The following LYST variants were observed in gnomAD, a reference collection of about 807,000 sequenced individuals.
LYST encodes the protein lysosomal trafficking regulator.
Under a neutral mutation model 413.6 loss-of-function variants are expected in LYST, and 192 were observed. The ratio of observed to expected loss-of-function variants is 0.46; its 90% CI spans 0.41 to 0.52. LYST has a LOEUF of 0.52. Among genes scored for constraint, LYST ranks in the 20% least tolerant of loss-of-function variants. The pLI is 0.00. For missense variants in LYST, 3,815 were observed against 4,499.9 expected (o/e 0.85, Z 4.35); for synonymous variants, 1,525 against 1,567.3 (o/e 0.97, Z 0.64).
intron 21 of LYST, among the ~76,000 whole-genome samples, chr1:235,763,975 C>T (rs1051758357): frequency 6.6e-6 from 1 of 152,128 alleles, no homozygotes; most frequent in Non-Finnish European, 1.5e-5. Context: ...GCCTCCTTAC[C>T]ACCTTGGATA....
At chr1:235,822,012 C>T (rs953848738) in intron 3 of LYST, among the ~76,000 whole-genome samples, 9 of 152,170 alleles carry the variant, frequency 5.9e-5, no homozygotes, top group Non-Finnish European at 1.2e-4. Context: ...ATAGATGTGG[C>T]TTTTGAGGCA....
chr1:235,822,023 T>C (rs1434918371), intron 3 of LYST, among the ~76,000 whole-genome samples: 1 of 152,318 alleles, frequency 6.6e-6, no homozygotes, highest in Non-Finnish European at 1.5e-5. Flanking sequence ...TTTTGAGGCA[T>C]AGAGTGAACC....
Position 235,717,657 on chromosome 1 carries a change from C to T in LYST, c.9561-879G>A, listed in dbSNP as rs148409007. Among the ~76,000 whole-genome samples the T allele has an allele frequency of 5.5e-3, 841 of 152,194 alleles. 3 individuals carry two copies. Among genetic ancestry groups the T allele is most frequent in the Middle Eastern group, 0.02 (6 of 294 alleles). On this transcript the variant is annotated intron_variant, in intron 40 of 52. Coordinates refer to ENST00000389793, the MANE Select transcript of LYST (RefSeq NM_000081.4). ...TAACTAGACCAACAGCAAGATTTGC[C>T]TACATTTCAGTGAGTCAAACCAGGT...
chr1:235,689,007 A>ATAC (rs1296792117), intron 47 of LYST, among the ~76,000 whole-genome samples: 1 of 132,668 alleles, frequency 7.5e-6, no homozygotes, highest in Non-Finnish European at 1.6e-5. Flanking sequence ...AATAATAATA[A>ATAC]TAATAATAAT....
intron 30 of LYST, among the ~76,000 whole-genome samples, chr1:235,743,274 T>C (rs577244425): frequency 6.6e-6 from 1 of 152,314 alleles, no homozygotes; most frequent in Non-Finnish European, 1.5e-5. Flanking sequence ...TTCTGAGTTT[T>C]AAAAACAGCT....
At position 235,664,846 on chromosome 1, in the gene LYST, G is replaced by T. The variant is rs974283218; in HGVS notation, c.11039-225C>A. ...GAGTCTAACTCTGTCGCCCAGGCTG[G>T]AGTGCAGTGGTGTGATCTTGGCTCA... On this transcript the variant is annotated intron_variant, in intron 50 of 52. Coordinates refer to ENST00000389793, the MANE Select transcript of LYST (RefSeq NM_000081.4). The surrounding 1 kb of genome is among the most constrained non-coding windows in gnomAD (Gnocchi z 4.5). 6.6e-6 allele frequency among the ~76,000 whole-genome samples: 1 copy of T among 152,202 alleles called. No individual in the cohort carries two copies. The highest frequency in any genetic ancestry group is 1.5e-5 in the Non-Finnish European group (1 of 68,042).
At position 235,661,713 on chromosome 1, in the gene LYST, G is replaced by C. The variant is rs1174419950; in HGVS notation, c.*1227C>G. ...AATGCACAAGTTATTCTTAGGCAGG[G>C]ATACATATTTTTATCCCATGGTAAC... is the stretch of plus-strand genomic sequence containing the variant. On this transcript the variant is annotated 3_prime_UTR_variant, in exon 53 of 53. Coordinates refer to ENST00000389793, the MANE Select transcript of LYST (RefSeq NM_000081.4). 1 of 152,530 alleles carries C rather than the reference G, an allele frequency of 6.6e-6. No individual in the cohort carries two copies. The highest frequency in any genetic ancestry group is 2.4e-5 in the African/African-American group (1 of 41,390). The allele number at this position is 152,530 out of a possible 1,614,324, so 9.4% of individuals were successfully genotyped here.
rs747205018 is a variant in LYST at position 235,762,721 on chromosome 1, T to C, written c.6252A>G (p.Glu2084=). The C allele has an allele frequency of 6.2e-7, 1 of 1,613,010 alleles. No homozygotes were observed. Among genetic ancestry groups the C allele is most frequent in the Non-Finnish European group, 8.5e-7 (1 of 1,179,200 alleles). Residue 2084 remains glutamate (E), a splice_region_variant and synonymous_variant, in exon 22 of 53, where the codon GAA becomes GAG. Transcript: ENST00000389793. ...SPSGFTASPY[E]GENSSNIIPQ... is the part of the protein sequence containing the mutation. ...TACTTCCATTATTGCTATTTTTACC[T>C]TCATATGGTGAAGCAGTAAAACCAG... is the stretch of plus-strand genomic sequence containing the variant.
At chr1:235,692,580 C>T (rs1289555802) in intron 47 of LYST, among the ~76,000 whole-genome samples, 2 of 151,922 alleles carry the variant, frequency 1.3e-5, no homozygotes, top group South Asian at 4.2e-4. Context: ...GATGGGTTTT[C>T]CCCGTGTTGG....
chr1:235,738,151 T>C, intron 31 of LYST: 1 of 1,609,364 alleles, frequency 6.2e-7, no homozygotes, highest in Admixed American at 1.7e-5. Context: ...CTTGCTCTTG[T>C]TGATGTCATG....
intron 20 of LYST, 148 bp downstream of exon 20, chr1:235,770,012 C>T: frequency 1.4e-6 from 1 of 697,856 alleles, no homozygotes; most frequent in Non-Finnish European, 2.5e-6. Context: ...AACTCCTGTA[C>T]TATTTTTTGA....
At chr1:235,866,423 T>C (rs1207238576) in intron 1 of LYST, among the ~76,000 whole-genome samples, 4 of 152,200 alleles carry the variant, frequency 2.6e-5, no homozygotes, top group Admixed American at 1.3e-4. Flanking sequence ...ACCTGACAGC[T>C]TGGGCCCAGC....
chr1:235,880,306 T>C (rs1681324497), intron 1 of LYST, among the ~76,000 whole-genome samples: 1 of 152,228 alleles, frequency 6.6e-6, no homozygotes. Flanking sequence ...TTATACTGCC[T>C]TCCCTTGTGG....
At chr1:235,821,092 T>C (rs1040960103) in intron 3 of LYST, among the ~76,000 whole-genome samples, 2 of 152,202 alleles carry the variant, frequency 1.3e-5, no homozygotes, top group South Asian at 2.1e-4. Flanking sequence ...CAAATGGAAA[T>C]AGTAATAAAG....
chr1:235,714,175 AG>A, intron 42 of LYST, among the ~76,000 whole-genome samples: 1 of 152,350 alleles, frequency 6.6e-6, no homozygotes, highest in South Asian at 2.1e-4. Context: ...ACAGCAAACA[AG>A]GATGGCTTAA....
intron 47 of LYST, among the ~76,000 whole-genome samples, chr1:235,691,907 A>C (rs2103071300): frequency 6.6e-6 from 1 of 150,544 alleles, no homozygotes; most frequent in African/African-American, 2.4e-5. Flanking sequence ...CATGTTGGCC[A>C]GGCTGGTCTC....
intron 3 of LYST, among the ~76,000 whole-genome samples, chr1:235,822,078 GT>G (rs963665353): frequency 2.0e-5 from 3 of 152,156 alleles, no homozygotes; most frequent in African/African-American, 7.2e-5. Flanking sequence ...AAGAAAGTTG[GT>G]TATTAAAAAA....
At position 235,804,360 on chromosome 1, in the gene LYST, C is replaced by T. The variant is rs572608324; in HGVS notation, c.3555+144G>A. On this transcript the variant is annotated intron_variant, in intron 7 of 52. Coordinates refer to ENST00000389793, the MANE Select transcript of LYST (RefSeq NM_000081.4). Reference sequence around the variant, plus strand: ...TGTCCATCCCATCACATATCCATCACGAGGAGATAAGATCCACTGAACTCA... The same window carrying T: ...TGTCCATCCCATCACATATCCATCATGAGGAGATAAGATCCACTGAACTCA... 9 of 727,670 alleles carry T rather than the reference C, an allele frequency of 1.2e-5. 1 individual carries two copies. Among genetic ancestry groups the T allele is most frequent in the South Asian group, 4.5e-5 (3 of 66,626 alleles). 45.1% of individuals were successfully genotyped at this position (727,670 alleles called of 1,614,324 possible). A position where few individuals can be genotyped will look rare whatever the true frequency, so the allele number is the denominator to read the frequency against.
At chr1:235,721,303 CCTT>C (rs1317864296) in intron 39 of LYST, among the ~76,000 whole-genome samples, 1 of 152,146 alleles carries the variant, frequency 6.6e-6, no homozygotes, top group Admixed American at 6.5e-5. Context: ...TTCCTGCTAA[CCTT>C]CTGTGCTACA....
Sources: allele counts gnomAD v4.1 joint callset (sites outside exome capture counted in the v4.1 genomes callset), GRCh38; gene constraint gnomAD v4.1.1; non-coding constraint Gnocchi (gnomAD v3.1); transcripts MANE v1.5; gene names NCBI Gene and HGNC (gene_info 2026-07-23, HGNC 2026-07-21).